Variants in LRRC37A2 observed in about 807,000 individuals in gnomAD.
The protein encoded by LRRC37A2 is leucine rich repeat containing 37 member A2, also known as leucine-rich repeat-containing protein 37A2.
A neutral mutation model predicts 68.8 loss-of-function variants in LRRC37A2; 9 were observed. The ratio of observed to expected loss-of-function variants is 0.13; its 90% CI spans 0.08 to 0.23. LRRC37A2 has a LOEUF of 0.23. LRRC37A2 is among the 10% of genes least tolerant of loss of function. LRRC37A2 has a pLI of 1.00. For missense variants in LRRC37A2, 168 were observed against 950.4 expected (o/e 0.18, Z 10.82); for synonymous variants, 63 against 367.6 (o/e 0.17, Z 9.48).
chr17:46,936,907 G>C, the LRRC37A2 span: 7 of 682,320 alleles, frequency 1.0e-5, no homozygotes, highest in Non-Finnish European at 1.3e-5. Flanking sequence ...TGTCCATGAT[G>C]CCTAATGTTG....
chr17:46,823,590 C>T, the LRRC37A2 span, among the ~76,000 whole-genome samples: 1 of 152,102 alleles, frequency 6.6e-6, no homozygotes, highest in Admixed American at 6.6e-5. Flanking sequence ...CAAGCATGCA[C>T]CACCATACCC....
At chr17:46,860,453 G>A in the LRRC37A2 span, among the ~76,000 whole-genome samples, 1 of 152,112 alleles carries the variant, frequency 6.6e-6, no homozygotes, top group African/African-American at 2.4e-5. Context: ...TGGGCTTGGG[G>A]TCACACAGAT....
At chr17:46,864,869 A>G in the LRRC37A2 span, among the ~76,000 whole-genome samples, 1 of 152,042 alleles carries the variant, frequency 6.6e-6, no homozygotes, top group African/African-American at 2.4e-5. Context: ...GCTTCCCCGC[A>G]CAGCCTCCAG....
At chr17:46,877,283 A>C in the LRRC37A2 span, among the ~76,000 whole-genome samples, 2 of 152,244 alleles carry the variant, frequency 1.3e-5, no homozygotes, top group East Asian at 3.8e-4. Flanking sequence ...GAGAAAGCAC[A>C]GGTGGTAGAA....
At chr17:46,749,011 G>A in the LRRC37A2 span, among the ~76,000 whole-genome samples, 1 of 152,274 alleles carries the variant, frequency 6.6e-6, no homozygotes. Context: ...GGGAAGGGGG[G>A]TAGTGCAAAA....
At chr17:47,043,240 T>A in the LRRC37A2 span, among the ~76,000 whole-genome samples, 1 of 152,104 alleles carries the variant, frequency 6.6e-6, no homozygotes, top group East Asian at 1.9e-4. Flanking sequence ...AAAATTTGCA[T>A]CAAAATCAAT....
chr17:47,000,000 A>AAAT, the LRRC37A2 span, among the ~76,000 whole-genome samples: 107 of 8,776 alleles, frequency 0.012, 2 homozygotes, highest in Admixed American at 0.036. Flanking sequence ...CTCCATCTCA[A>AAAT]AATAAAATAA....
the LRRC37A2 span, among the ~76,000 whole-genome samples, chr17:46,823,979 C>A: frequency 2.0e-5 from 3 of 152,192 alleles, no homozygotes; most frequent in African/African-American, 7.2e-5. Flanking sequence ...TCTCTTGAGG[C>A]AAGGAGTAAG....
chr17:47,000,076 A>AAAAAT, the LRRC37A2 span, among the ~76,000 whole-genome samples: 1 of 25,520 alleles, frequency 3.9e-5, no homozygotes, highest in Non-Finnish European at 1.1e-4. Context: ...AAATAAAATA[A>AAAAAT]AAAATAAAAT....
the LRRC37A2 span, chr17:46,936,219 CCTTT>C: frequency 8.1e-6 from 8 of 985,308 alleles, no homozygotes; most frequent in Non-Finnish European, 9.6e-6. Flanking sequence ...ATTAGTCTGC[CCTTT>C]CTTTAGAAAA....
the LRRC37A2 span, chr17:46,923,239 A>G: frequency 6.4e-7 from 1 of 1,550,906 alleles, no homozygotes; most frequent in Non-Finnish European, 8.7e-7. Context: ...CCGGTCGGGG[A>G]GCGGGCAGGG....
chr17:46,601,659 T>TTA, the LRRC37A2 span, among the ~76,000 whole-genome samples: 1 of 147,864 alleles, frequency 6.8e-6, no homozygotes, highest in Admixed American at 6.7e-5. Flanking sequence ...TATCTCTGTA[T>TTA]TATATCCAGT....
At chr17:47,046,105 T>C in the LRRC37A2 span, among the ~76,000 whole-genome samples, 1 of 88,906 alleles carries the variant, frequency 1.1e-5, no homozygotes, top group Non-Finnish European at 2.3e-5. Flanking sequence ...GGTGGGAGGA[T>C]TGCTTGAGCC....
chr17:47,018,338 C>T, the LRRC37A2 span: 6 of 1,611,140 alleles, frequency 3.7e-6, no homozygotes, highest in Admixed American at 8.3e-5. Context: ...AGCAGGAGAC[C>T]CCAGGTCAGC....
chr17:46,973,003 A>C, the LRRC37A2 span: 4 of 153,188 alleles, frequency 2.6e-5, no homozygotes. Context: ...CCAGGTGGGA[A>C]AGTGTCAAAT....
chr17:46,955,042 C>T, the LRRC37A2 span, among the ~76,000 whole-genome samples: 3 of 152,318 alleles, frequency 2.0e-5, no homozygotes, highest in East Asian at 1.9e-4. Flanking sequence ...GCCAGAACTT[C>T]CAACACTATG....
chr17:46,907,629 G>T, the LRRC37A2 span, among the ~76,000 whole-genome samples: 8 of 138,040 alleles, frequency 5.8e-5, no homozygotes, highest in Admixed American at 5.7e-4. Flanking sequence ...TTGAATTCAG[G>T]AGTTCAATAC....
chr17:46,691,779 G>C, the LRRC37A2 span, among the ~76,000 whole-genome samples: 2 of 151,414 alleles, frequency 1.3e-5, no homozygotes, highest in Non-Finnish European at 2.9e-5. Context: ...TTGAGACGGA[G>C]TCTCACTCTG....
At chr17:47,009,663 C>T in the LRRC37A2 span, among the ~76,000 whole-genome samples, 3 of 152,208 alleles carry the variant, frequency 2.0e-5, no homozygotes, top group African/African-American at 7.2e-5. Flanking sequence ...AATGGTTCCT[C>T]ATAAAGTGGT....
Sources: allele counts gnomAD v4.1 joint callset (sites outside exome capture counted in the v4.1 genomes callset), GRCh38; gene constraint gnomAD v4.1.1; transcripts MANE v1.5; gene names NCBI Gene and HGNC (gene_info 2026-07-23, HGNC 2026-07-21).